The following PDE4B variants were observed in gnomAD, a reference collection of about 807,000 sequenced individuals.
PDE4B encodes the protein phosphodiesterase 4B.
A neutral mutation model predicts 82.2 loss-of-function variants in PDE4B; 20 were observed. The observed-to-expected ratio is 0.24, with a 90% confidence interval of 0.17 to 0.35. The LOEUF is 0.35. Ranked by LOEUF, PDE4B falls within the 10% of genes least tolerant of loss-of-function variation. The pLI is 1.00. For synonymous variants in PDE4B, 320 were observed against 318.9 expected, an observed-to-expected ratio of 1.00 and a Z score of -0.04; for missense variants, 655 against 907.2, an observed-to-expected ratio of 0.72 and a Z score of 3.57.
chr1:66,090,621 A>ATATATATATATGTGTGTGTGTGTG lies in PDE4B; in HGVS notation c.282-156838_282-156837insATATATATATGTGTGTGTGTGTGT. On this transcript the variant is annotated intron_variant, in intron 3 of 16. Coordinates refer to ENST00000341517, the MANE Select transcript of PDE4B (RefSeq NM_002600.4). ...TTATATATATATATGTATATAATAT[A>ATATATATATATGTGTGTGTGTGTG]TGTGTGTGTGTGTGTGTGTATGTAC... Among the ~76,000 whole-genome samples, 10 of 122,730 alleles carry ATATATATATATGTGTGTGTGTGTG rather than the reference A, an allele frequency of 8.1e-5. No homozygotes were observed. The South Asian group carries it at 9.8e-4, about 12-fold the overall frequency. 80.5% of individuals were successfully genotyped at this position (122,730 alleles called of 152,430 possible).
At chr1:65,822,310 C>A (rs371652451) in intron 1 of PDE4B, among the ~76,000 whole-genome samples, 1 of 152,068 alleles carries the variant, frequency 6.6e-6, no homozygotes, top group African/African-American at 2.4e-5. Flanking sequence ...AGATTGTTTT[C>A]GGTGATTTTT....
Position 66,171,919 on chromosome 1 carries a change from G to T in PDE4B, c.282-75541G>T, listed in dbSNP as rs185084731. Reference sequence around the variant, plus strand: ...TACTTAGCGCAGGACCTTGTCCAAAGAATTAACTCAGCAAATTCTAGCTTT... The same window carrying T: ...TACTTAGCGCAGGACCTTGTCCAAATAATTAACTCAGCAAATTCTAGCTTT... On this transcript the variant is annotated intron_variant, in intron 3 of 16. Coordinates refer to ENST00000341517, the MANE Select transcript of PDE4B (RefSeq NM_002600.4). Among the ~76,000 whole-genome samples, 3 of 152,264 alleles carry T rather than the reference G, an allele frequency of 2.0e-5. No homozygotes were observed. The East Asian group carries it at 5.8e-4, about 29-fold the overall frequency.
At chr1:66,249,213 G>T (rs1280729139) in intron 4 of PDE4B, among the ~76,000 whole-genome samples, 1 of 152,218 alleles carries the variant, frequency 6.6e-6, no homozygotes, top group Non-Finnish European at 1.5e-5. Flanking sequence ...TGAATGCAAA[G>T]ATATTGGGAA....
chr1:66,131,901 T>G (rs1645958530), intron 3 of PDE4B, among the ~76,000 whole-genome samples: 2 of 151,830 alleles, frequency 1.3e-5, no homozygotes, highest in Non-Finnish European at 2.9e-5. Context: ...TTTCAACCAC[T>G]TCAGGATCTG....
intron 3 of PDE4B, among the ~76,000 whole-genome samples, chr1:66,149,298 A>G (rs1403546505): frequency 1.3e-5 from 2 of 152,108 alleles, no homozygotes; most frequent in Non-Finnish European, 2.9e-5. Context: ...CTAAATCCCC[A>G]TTTAAATTAT....
chr1:66,165,982 A>G (rs564014627), intron 3 of PDE4B, among the ~76,000 whole-genome samples: 6 of 152,236 alleles, frequency 3.9e-5, no homozygotes, highest in South Asian at 4.1e-4. Flanking sequence ...GAGGATTCAC[A>G]CTTTCCAATT....
intron 3 of PDE4B, chr1:66,049,031 T>C (rs1654873869): frequency 6.6e-6 from 1 of 152,046 alleles, no homozygotes; most frequent in Non-Finnish European, 1.5e-5. Context: ...CTTGGTGCTT[T>C]TACATCTAGC....
intron 3 of PDE4B, among the ~76,000 whole-genome samples, chr1:66,205,085 C>A (rs17128509): frequency 6.6e-6 from 1 of 152,096 alleles, no homozygotes; most frequent in Non-Finnish European, 1.5e-5. Flanking sequence ...GAATTTATGG[C>A]TCATCTATGC....
chr1:66,063,763 A>G (rs925666036), intron 3 of PDE4B, among the ~76,000 whole-genome samples: 2 of 151,880 alleles, frequency 1.3e-5, no homozygotes, highest in African/African-American at 4.8e-5. Flanking sequence ...TCCTTTTGAT[A>G]TGTTCGTTTC....
chr1:65,990,399 A>C (rs1342270226), intron 3 of PDE4B, among the ~76,000 whole-genome samples: 1 of 152,192 alleles, frequency 6.6e-6, no homozygotes, highest in Non-Finnish European at 1.5e-5. Flanking sequence ...TATGAGAAGT[A>C]TCTTTTGTAA....
intron 7 of PDE4B, among the ~76,000 whole-genome samples, chr1:66,274,752 A>G (rs1423106356): frequency 6.6e-6 from 1 of 152,176 alleles, no homozygotes; most frequent in Admixed American, 6.5e-5. Context: ...TATTGGTGTT[A>G]TTAGTGTTAT....
intron 9 of PDE4B, among the ~76,000 whole-genome samples, chr1:66,358,951 T>G (rs1169114251): frequency 1.3e-5 from 2 of 152,164 alleles, no homozygotes; most frequent in African/African-American, 4.8e-5. Flanking sequence ...CAGTAGACTA[T>G]ATTTACCAGT....
At chr1:66,017,648 G>A (rs1388110001) in intron 3 of PDE4B, among the ~76,000 whole-genome samples, 1 of 152,030 alleles carries the variant, frequency 6.6e-6, no homozygotes. Flanking sequence ...AGCTTCATTT[G>A]TGATTTTGGG....
intron 1 of PDE4B, among the ~76,000 whole-genome samples, chr1:65,897,601 T>G (rs141138518): frequency 6.6e-6 from 1 of 152,204 alleles, no homozygotes. Context: ...TTTCTATTCT[T>G]GTGTTAATCT....
chr1:66,280,460 G>T (rs1403739720), intron 7 of PDE4B, among the ~76,000 whole-genome samples: 1 of 152,242 alleles, frequency 6.6e-6, no homozygotes, highest in Non-Finnish European at 1.5e-5. Context: ...ATCTTTAAAA[G>T]AAGTTAATTT....
intron 3 of PDE4B, among the ~76,000 whole-genome samples, chr1:65,994,901 G>GT (rs1430750551): frequency 1.3e-5 from 2 of 151,910 alleles, no homozygotes; most frequent in African/African-American, 2.4e-5. Flanking sequence ...AAATACTGGA[G>GT]TTTTTTACTT....
At chr1:66,279,095 A>G (rs1318504916) in intron 7 of PDE4B, among the ~76,000 whole-genome samples, 1 of 151,934 alleles carries the variant, frequency 6.6e-6, no homozygotes, top group Non-Finnish European at 1.5e-5. Flanking sequence ...ACACTTCCAA[A>G]CCATTTTCCA....
At position 65,824,265 on chromosome 1, in the gene PDE4B, T is replaced by C. The variant is rs1470580220; in HGVS notation, c.-71+31017T>C. ...ATCTTTCACATACTTAGTGTGAAGATAAAAGGAGACCATTGGCTTCATTGT... is the reference window on the plus strand; with the variant it reads ...ATCTTTCACATACTTAGTGTGAAGACAAAAGGAGACCATTGGCTTCATTGT... On this transcript the variant is annotated intron_variant, in intron 1 of 16. Coordinates refer to ENST00000341517, the MANE Select transcript of PDE4B (RefSeq NM_002600.4). Among the ~76,000 whole-genome samples, 2 of 152,178 alleles carry C rather than the reference T, an allele frequency of 1.3e-5. 1 individual carries two copies. Among genetic ancestry groups the C allele is most frequent in the Non-Finnish European group, 2.9e-5 (2 of 68,022 alleles).
At chr1:66,001,507 T>C (rs1019747559) in intron 3 of PDE4B, among the ~76,000 whole-genome samples, 1 of 152,160 alleles carries the variant, frequency 6.6e-6, no homozygotes, top group Non-Finnish European at 1.5e-5. Context: ...TATTATTAGG[T>C]GGTATTCCTT....
Sources: gnomAD v4.1 joint callset for allele counts (sites outside exome capture counted in the v4.1 genomes callset) on GRCh38, gnomAD v4.1.1 for gene constraint, MANE v1.5 for transcripts, NCBI Gene and HGNC (gene_info 2026-07-23, HGNC 2026-07-21) for gene names.